CDK14: variants seen among roughly 807,000 people sequenced by gnomAD.
CDK14 encodes cyclin dependent kinase 14.
CDK14 carries 34 observed loss-of-function variants against 60.7 expected under a neutral mutation model. That is an observed-to-expected ratio of 0.56 (90% CI 0.43 to 0.75). The LOEUF is 0.75. Among genes scored for constraint, CDK14 ranks in the 30% least tolerant of loss-of-function variants. The pLI, the probability that CDK14 is intolerant of heterozygous loss-of-function variation, is 0.00. For synonymous variants in CDK14, 197 were observed against 203.7 expected (o/e 0.97, Z 0.28); for missense variants, 482 against 564.1 (o/e 0.85, Z 1.47).
At chr7:91,086,122 A>AAACAC (rs1468892743) in intron 12 of CDK14, among the ~76,000 whole-genome samples, 1 of 152,232 alleles carries the variant, frequency 6.6e-6, no homozygotes, top group African/African-American at 2.4e-5. Flanking sequence ...GCTGCTTTGG[A>AAACAC]AACACTACAC....
chr7:90,901,879 A>C (rs1792518455), intron 7 of CDK14, among the ~76,000 whole-genome samples: 1 of 152,014 alleles, frequency 6.6e-6, no homozygotes. Context: ...AGACTCCACC[A>C]AAAAAAGTTA....
chr7:91,080,511 G>A (rs1351688114), intron 12 of CDK14, among the ~76,000 whole-genome samples: 1 of 152,152 alleles, frequency 6.6e-6, no homozygotes, highest in Admixed American at 6.5e-5. Flanking sequence ...CATTTGAAGA[G>A]CCAGTTCTTA....
intron 2 of CDK14, among the ~76,000 whole-genome samples, chr7:90,636,068 T>A (rs1800138584): frequency 6.7e-6 from 1 of 150,326 alleles, no homozygotes. Context: ...TATACAATCA[T>A]GTCATCTGCA....
intron 10 of CDK14, among the ~76,000 whole-genome samples, chr7:91,041,904 G>A (rs1177291278): frequency 6.6e-6 from 1 of 152,266 alleles, no homozygotes; most frequent in African/African-American, 2.4e-5. Flanking sequence ...CTGGTGCCGG[G>A]CACATGGTGC....
chr7:90,862,323 TGAAAA>T (rs1791035191), intron 5 of CDK14, among the ~76,000 whole-genome samples: 2 of 152,210 alleles, frequency 1.3e-5, no homozygotes, highest in African/African-American at 2.4e-5. Context: ...TCAGTAGGAC[TGAAAA>T]GAAAAGGATG....
At chr7:91,123,105 G>A (rs1211217208) in intron 14 of CDK14, among the ~76,000 whole-genome samples, 2 of 152,176 alleles carry the variant, frequency 1.3e-5, no homozygotes, top group Non-Finnish European at 1.5e-5. Flanking sequence ...TTCTGATGGT[G>A]TGATATCTTC....
intron 10 of CDK14, among the ~76,000 whole-genome samples, chr7:90,989,424 A>T (rs753784343): frequency 8.5e-5 from 13 of 152,134 alleles, no homozygotes; most frequent in Non-Finnish European, 1.9e-4. Flanking sequence ...ACTCTGTAGC[A>T]CTAGGTACAA....
intron 2 of CDK14, among the ~76,000 whole-genome samples, chr7:90,635,848 A>C (rs1013665183): frequency 1.3e-5 from 2 of 151,692 alleles, no homozygotes; most frequent in Non-Finnish European, 2.9e-5. Flanking sequence ...GAGGTCCTTC[A>C]CGTCCCTTGT....
At chr7:91,045,062 G>A (rs1336734522) in intron 10 of CDK14, among the ~76,000 whole-genome samples, 1 of 152,178 alleles carries the variant, frequency 6.6e-6, no homozygotes, top group Non-Finnish European at 1.5e-5. Context: ...GTAAATAGGG[G>A]AGCAAGGATT....
intron 6 of CDK14, among the ~76,000 whole-genome samples, chr7:90,889,762 T>C (rs1792056712): frequency 6.6e-6 from 1 of 152,174 alleles, no homozygotes; most frequent in African/African-American, 2.4e-5. Context: ...AAACAGGCAT[T>C]GTAATGTGTC....
At chr7:91,191,264 A>G (rs1802353849) in intron 14 of CDK14, among the ~76,000 whole-genome samples, 1 of 152,128 alleles carries the variant, frequency 6.6e-6, no homozygotes, top group Admixed American at 6.6e-5. Flanking sequence ...ACAGCTTCAT[A>G]CACCACTGAA....
At chr7:91,005,508 C>A (rs1466163198) in intron 10 of CDK14, among the ~76,000 whole-genome samples, 1 of 152,142 alleles carries the variant, frequency 6.6e-6, no homozygotes, top group Non-Finnish European at 1.5e-5. Context: ...ATTTCAAAGG[C>A]TTTATTTTTT....
intron 5 of CDK14, 151 bp downstream of exon 5, chr7:90,790,803 C>T (rs186002864): frequency 1.3e-5 from 7 of 534,290 alleles, no homozygotes; most frequent in African/African-American, 5.8e-5. Context: ...AAATCAGTAT[C>T]TCTTGCAGTC....
intron 11 of CDK14, among the ~76,000 whole-genome samples, chr7:91,059,538 A>G (rs1435338864): frequency 1.3e-5 from 2 of 152,066 alleles, no homozygotes; most frequent in Admixed American, 1.3e-4. Flanking sequence ...TCTTGTGGGC[A>G]TTTAGTGCTA....
intron 11 of CDK14, among the ~76,000 whole-genome samples, chr7:91,070,178 A>G (rs1453492196): frequency 6.6e-6 from 1 of 152,188 alleles, no homozygotes; most frequent in African/African-American, 2.4e-5. Flanking sequence ...ACACTGGTCT[A>G]CATCAGATCT....
At chr7:90,836,117 A>G (rs1444814483) in intron 5 of CDK14, among the ~76,000 whole-genome samples, 2 of 152,192 alleles carry the variant, frequency 1.3e-5, no homozygotes, top group African/African-American at 4.8e-5. Context: ...ATACTACTGT[A>G]GACTTTATAA....
At chr7:90,683,276 A>T (rs1801357772) in intron 2 of CDK14, among the ~76,000 whole-genome samples, 1 of 152,076 alleles carries the variant, frequency 6.6e-6, no homozygotes, top group Non-Finnish European at 1.5e-5. Context: ...TTTTCCTGCA[A>T]TGGCCTATAA....
intron 2 of CDK14, among the ~76,000 whole-genome samples, chr7:90,613,714 G>A (rs951062812): frequency 9.9e-5 from 15 of 151,952 alleles, no homozygotes; most frequent in African/African-American, 1.9e-4. Context: ...AAAAAAAGAC[G>A]CTGACCTTTG....
intron 6 of CDK14, among the ~76,000 whole-genome samples, chr7:90,870,481 C>A (rs1791336307): frequency 6.6e-6 from 1 of 152,122 alleles, no homozygotes; most frequent in South Asian, 2.1e-4. Flanking sequence ...CACGTGTACC[C>A]CAAGCTTAAA....
Sources: gnomAD v4.1 joint callset for allele counts (sites outside exome capture counted in the v4.1 genomes callset) on GRCh38, gnomAD v4.1.1 for gene constraint, MANE v1.5 for transcripts, NCBI Gene and HGNC (gene_info 2026-07-23, HGNC 2026-07-21) for gene names.